Variants in TCF7 observed in about 807,000 individuals in gnomAD.
TCF7 encodes T-cell-factor-7.
In TCF7, 19 loss-of-function variants were observed where a neutral mutation model predicts 46.8. The observed-to-expected ratio is 0.41, with a 90% CI of 0.28 to 0.60. TCF7 has a LOEUF of 0.60. Ranked by LOEUF, TCF7 falls within the 20% of genes least tolerant of loss-of-function variation. The pLI, the probability that TCF7 is intolerant of heterozygous loss-of-function variation, is 0.35. For synonymous variants in TCF7, 245 were observed against 213.4 expected, an observed-to-expected ratio of 1.15 and a Z score of -1.29; for missense variants, 547 against 504.6, an observed-to-expected ratio of 1.08 and a Z score of -0.81.
intron 9 of TCF7, chr5:134,144,802 G>A (rs1401168538): frequency 6.2e-7 from 1 of 1,614,066 alleles, no homozygotes; most frequent in Non-Finnish European, 8.5e-7. Flanking sequence ...AGCAGACCCT[G>A]GCTCGCCTAA....
chr5:134,113,649 G>A (rs535869640), upstream of TCF7, among the ~76,000 whole-genome samples: 20 of 152,270 alleles, frequency 1.3e-4, no homozygotes, highest in Non-Finnish European at 2.5e-4. Flanking sequence ...AAGGACCGGC[G>A]TCTTTTGTAG....
At chr5:134,121,682 A>G (rs964187906) in intron 3 of TCF7, among the ~76,000 whole-genome samples, 2 of 151,824 alleles carry the variant, frequency 1.3e-5, no homozygotes, top group African/African-American at 2.4e-5. Context: ...ACGATGCCAC[A>G]GGTGTGGGCA....
intron 3 of TCF7, among the ~76,000 whole-genome samples, chr5:134,120,392 G>T (rs548240994): frequency 6.6e-6 from 1 of 152,190 alleles, no homozygotes; most frequent in East Asian, 1.9e-4. Flanking sequence ...ATGAGACCCC[G>T]CATCAGCTTC....
chr5:134,146,026 G>A, intron 9 of TCF7, 198 bp from the exon 10 acceptor site: 4 of 1,515,608 alleles, frequency 2.6e-6, no homozygotes, highest in South Asian at 1.3e-5. Flanking sequence ...CCTTGTGGCT[G>A]TTCTGGGAAC....
intron 2 of TCF7, 134 bp downstream of exon 2, chr5:134,115,521 G>A: frequency 1.4e-6 from 2 of 1,457,902 alleles, no homozygotes; most frequent in Middle Eastern, 2.5e-4. Context: ...CCCAGGGGTG[G>A]AGAGTGGGGG....
At position 134,146,755 on chromosome 5, in the gene TCF7, C is replaced by T. The variant is rs1322183032; in HGVS notation, c.*452C>T. The T allele has an allele frequency of 1.8e-6, 1 of 558,578 alleles. No individual in the cohort carries two copies. The highest frequency in any genetic ancestry group is 1.9e-5 in the African/African-American group (1 of 52,898). 34.6% of individuals were successfully genotyped at this position (558,578 alleles called of 1,614,324 possible). Reference sequence around the variant, plus strand: ...CATCTAATTAAGGGAATCCCTTGTACCTATGGCTGCCTGCATCTATTCTTT... The same window carrying T: ...CATCTAATTAAGGGAATCCCTTGTATCTATGGCTGCCTGCATCTATTCTTT... On this transcript the variant is annotated 3_prime_UTR_variant, in exon 10 of 10. Coordinates refer to ENST00000342854, the MANE Select transcript of TCF7 (RefSeq NM_003202.5).
chr5:134,141,853 A>G (rs945964594), intron 5 of TCF7: 9 of 219,214 alleles, frequency 4.1e-5, no homozygotes, highest in Middle Eastern at 1.6e-3. Flanking sequence ...GTCAAGCAGG[A>G]GAGGGATGAG....
At chr5:134,145,245 C>A (rs1229478995) in intron 9 of TCF7, 1 of 553,610 alleles carries the variant, frequency 1.8e-6, no homozygotes, top group Admixed American at 1.9e-5. Flanking sequence ...TGGGCTCCCT[C>A]ACTTCCTCTT....
chr5:134,126,875 C>T (rs889414016), intron 3 of TCF7, among the ~76,000 whole-genome samples: 3 of 149,586 alleles, frequency 2.0e-5, no homozygotes, highest in African/African-American at 4.9e-5. Flanking sequence ...CCAGCCTGGG[C>T]GACAGAGCTA....
intron 6 of TCF7, 61 bp from the exon 7 acceptor site, chr5:134,142,660 G>A: frequency 6.3e-7 from 1 of 1,592,956 alleles, no homozygotes; most frequent in Non-Finnish European, 8.6e-7. Context: ...GCTAGAGGAG[G>A]AGGCTGCAAT....
intron 9 of TCF7, 160 bp downstream of exon 9, chr5:134,143,800 A>G (rs1047720158): frequency 1.3e-6 from 1 of 759,326 alleles, no homozygotes; most frequent in Admixed American, 2.8e-5. Flanking sequence ...TCAAATTCCC[A>G]TGCAAGAAAC....
chr5:134,115,228 G>T, intron 1 of TCF7, 73 bp downstream of exon 1: 1 of 1,278,640 alleles, frequency 7.8e-7, no homozygotes, highest in South Asian at 2.1e-5. Context: ...CGCGGCCCTC[G>T]GGGTCTCCAG....
At position 134,125,741 on chromosome 5, in the gene TCF7, A is replaced by G. The variant is rs78521557; in HGVS notation, c.441+9708A>G. On this transcript the variant is annotated intron_variant, in intron 3 of 9. Coordinates refer to ENST00000342854, the MANE Select transcript of TCF7 (RefSeq NM_003202.5). ...GTGCTAGTCTGGTGTTTACTTGGCC[A>G]CTGTCCAATGCTGGACGAGAGTCAC... 6.7e-3 allele frequency among the ~76,000 whole-genome samples: 1,020 copies of G among 152,350 alleles called. 9 individuals carry two copies. The highest frequency in any genetic ancestry group is 0.023 in the African/African-American group (945 of 41,590).
rs1755786250 is a variant in TCF7, at chr5:134,116,026, C to T, written c.434C>T (p.Pro145Leu). 1.2e-6 allele frequency: 2 copies of T among 1,612,192 alleles called. No individual in the cohort carries two copies. The highest frequency in any genetic ancestry group is 1.1e-5 in the South Asian group (1 of 90,934). Residue 145 changes from proline to leucine, a missense_variant, in exon 3 of 10, where the codon CCC (proline) becomes CTC (leucine). Around this residue, in one of 3 missense-constraint regions of TCF7, gnomAD observed 425 missense variants for 349.9 expected, o/e 1.21. Transcript: ENST00000342854. ...GCAGGGCAGCACCCCCAGCCGCAGC[C>T]CCCGCTGGTAAGTGGACCCCGCAGC... ...SGAGQHPQPQPPLHKANQPPH... is the reference protein window; with the variant it reads ...SGAGQHPQPQLPLHKANQPPH...
rs1285422297 is a variant in TCF7, at chr5:134,115,002, G to A, written c.96G>A (p.Glu32=). ...ELLAFQDEGE[E]QDDKSRDSAA... is the part of the protein sequence containing the mutation. ...TGGCCTTCCAGGATGAAGGCGAGGAGCAGGACGACAAGAGCCGCGACAGCG... is the reference window on the plus strand; with the variant it reads ...TGGCCTTCCAGGATGAAGGCGAGGAACAGGACGACAAGAGCCGCGACAGCG... Residue 32 remains glutamate (E), a synonymous_variant, in exon 1 of 10, where the codon GAG becomes GAA. Coordinates refer to ENST00000342854, the MANE Select transcript of TCF7 (RefSeq NM_003202.5). 8.0e-7 allele frequency: 1 copy of A among 1,251,448 alleles called. No homozygotes were observed. The highest frequency in any genetic ancestry group is 1.6e-5 in the African/African-American group (1 of 62,624). The allele number at this position is 1,251,448 out of a possible 1,614,324, so 77.5% of individuals were successfully genotyped here. A position where few individuals can be genotyped will look rare whatever the true frequency, so the allele number is the denominator to read the frequency against.
intron 5 of TCF7, chr5:134,140,826 T>G (rs760196636): frequency 6.6e-6 from 3 of 455,464 alleles, no homozygotes; most frequent in South Asian, 3.1e-5. Flanking sequence ...CCCTGTCCCC[T>G]TCCTGCGGAT....
chr5:134,142,318 CAA>C lies in TCF7; in HGVS notation c.755+15_755+16del, dbSNP rs757549483. 14 of 1,566,776 alleles carry C rather than the reference CAA, an allele frequency of 8.9e-6. No homozygotes were observed. The East Asian group carries it at 1.1e-4, about 13-fold the overall frequency. ...CGACCGCAACCTGTGAGTGAAAAGA[CAA>C]TGATGGCAGGGGGTGTGTCAGTCAG... On this transcript the variant is annotated intron_variant, in intron 6 of 9. Coordinates refer to ENST00000342854, the MANE Select transcript of TCF7 (RefSeq NM_003202.5).
intron 8 of TCF7, 166 bp from the exon 9 acceptor site, chr5:134,143,426 A>G (rs990447529): frequency 4.7e-6 from 4 of 858,700 alleles, no homozygotes; most frequent in African/African-American, 3.3e-5. Flanking sequence ...TTCTAAATGC[A>G]CTCCATAGCA....
chr5:134,142,175 C>T lies in TCF7; in HGVS notation c.636-10C>T, dbSNP rs1759899610. 1.2e-6 allele frequency: 2 copies of T among 1,613,980 alleles called. No homozygotes were observed. Among genetic ancestry groups the T allele is most frequent in the Admixed American group, 3.3e-5 (2 of 60,010 alleles). ...TCTTGGCTCAGTGTTAACTTTCTTC[C>T]TGCCTCCAGGTTCACCCACCCATCC... is the stretch of plus-strand genomic sequence containing the variant. On this transcript the variant is annotated splice_polypyrimidine_tract_variant and intron_variant, in intron 5 of 9. Transcript: ENST00000342854.
Sources: allele counts gnomAD v4.1 joint callset (sites outside exome capture counted in the v4.1 genomes callset), GRCh38; gene constraint gnomAD v4.1.1; regional missense constraint gnomAD v4.1.1; transcripts MANE v1.5; gene names NCBI Gene and HGNC (gene_info 2026-07-23, HGNC 2026-07-21).